The following SH3RF1 variants were observed in gnomAD, a reference collection of about 807,000 sequenced individuals.
The protein encoded by SH3RF1 is E3 ubiquitin-protein ligase SH3RF1.
A neutral mutation model predicts 74.0 loss-of-function variants in SH3RF1; 32 were observed. That is an observed-to-expected ratio of 0.43 (90% CI 0.33 to 0.58). The LOEUF (loss-of-function observed/expected upper bound fraction) is 0.58. Ranked by LOEUF, SH3RF1 falls within the 20% of genes least tolerant of loss-of-function variation. The probability of loss-of-function intolerance (pLI) is 0.05; values close to 1 mark genes in which losing one functional copy is unlikely to be tolerated. For missense variants in SH3RF1, 954 were observed against 1,130.9 expected (o/e 0.84, Z 2.24); for synonymous variants, 396 against 439.6 (o/e 0.90, Z 1.24).
At chr4:169,109,811 A>ACCATGCCACTGCACT in intron 10 of SH3RF1, among the ~76,000 whole-genome samples, 1 of 149,910 alleles carries the variant, frequency 6.7e-6, no homozygotes, top group Admixed American at 6.6e-5. Context: ...GGAGTTCAAG[A>ACCATGCCACTGCACT]CCAGCCTGGG....
chr4:169,261,385 A>G (rs926360556), intron 2 of SH3RF1, among the ~76,000 whole-genome samples: 3 of 152,230 alleles, frequency 2.0e-5, no homozygotes, highest in Non-Finnish European at 4.4e-5. Context: ...GCAACTGAGA[A>G]AAGATTCCCC....
At chr4:169,224,719 G>C (rs1293837554) in intron 2 of SH3RF1, among the ~76,000 whole-genome samples, 3 of 152,244 alleles carry the variant, frequency 2.0e-5, no homozygotes, top group African/African-American at 7.2e-5. Flanking sequence ...GACTACTGCA[G>C]TAATGCAGGA....
At chr4:169,190,436 A>G (rs1450733188) in intron 2 of SH3RF1, among the ~76,000 whole-genome samples, 2 of 152,190 alleles carry the variant, frequency 1.3e-5, no homozygotes, top group Non-Finnish European at 1.5e-5. Flanking sequence ...CGAGGTTACT[A>G]TGAACACCTT....
At chr4:169,201,393 A>T (rs1360420544) in intron 2 of SH3RF1, among the ~76,000 whole-genome samples, 3 of 152,224 alleles carry the variant, frequency 2.0e-5, no homozygotes, top group Admixed American at 6.5e-5. Flanking sequence ...TCTGTAAAAA[A>T]CAATATTTGC....
At chr4:169,192,741 C>G (rs1294894233) in intron 2 of SH3RF1, among the ~76,000 whole-genome samples, 2 of 150,752 alleles carry the variant, frequency 1.3e-5, no homozygotes, top group African/African-American at 4.9e-5. Context: ...ACCCAAATAG[C>G]CATCAACAAA....
At chr4:169,253,399 GA>G (rs1246008234) in intron 2 of SH3RF1, among the ~76,000 whole-genome samples, 60 of 152,312 alleles carry the variant, frequency 3.9e-4, no homozygotes, top group African/African-American at 1.4e-3. Flanking sequence ...CAATCACAGA[GA>G]ATCCAGCCTT....
chr4:169,232,909 C>CT (rs1209972426), intron 2 of SH3RF1, among the ~76,000 whole-genome samples: 1 of 152,110 alleles, frequency 6.6e-6, no homozygotes, highest in Non-Finnish European at 1.5e-5. Context: ...GTAGTGTGAA[C>CT]TGCCTGGTTG....
At chr4:169,182,822 T>C (rs1434276281) in intron 2 of SH3RF1, among the ~76,000 whole-genome samples, 1 of 151,760 alleles carries the variant, frequency 6.6e-6, no homozygotes, top group East Asian at 1.9e-4. Context: ...ACAAAATAGA[T>C]AAGTTAGTAG....
At chr4:169,251,356 TAGTC>T (rs1257943025) in intron 2 of SH3RF1, among the ~76,000 whole-genome samples, 4 of 152,228 alleles carry the variant, frequency 2.6e-5, no homozygotes, top group Admixed American at 6.5e-5. Context: ...GTGACTTTGT[TAGTC>T]AGAATAACTG....
At chr4:169,125,440 G>C (rs1378158388) in intron 6 of SH3RF1, among the ~76,000 whole-genome samples, 2 of 152,092 alleles carry the variant, frequency 1.3e-5, no homozygotes, top group Non-Finnish European at 2.9e-5. Context: ...ACCCGCCCAG[G>C]TAGTGATTGG....
At chr4:169,157,577 T>C (rs2126965783) in intron 2 of SH3RF1, among the ~76,000 whole-genome samples, 1 of 152,298 alleles carries the variant, frequency 6.6e-6, no homozygotes, top group East Asian at 1.9e-4. Context: ...CACTTTAAGA[T>C]CTTTGGCCTC....
chr4:169,187,475 A>AT (rs1318792931), intron 2 of SH3RF1, among the ~76,000 whole-genome samples: 2 of 151,782 alleles, frequency 1.3e-5, no homozygotes, highest in Non-Finnish European at 2.9e-5. Flanking sequence ...GGCATGAGCC[A>AT]TCACACCCAG....
intron 6 of SH3RF1, among the ~76,000 whole-genome samples, chr4:169,127,097 C>G (rs1365519063): frequency 1.3e-5 from 2 of 152,176 alleles, no homozygotes; most frequent in Non-Finnish European, 2.9e-5. Context: ...TCCTCCCCTA[C>G]AAAGAGATTT....
At chr4:169,241,380 C>A (rs186957919) in intron 2 of SH3RF1, among the ~76,000 whole-genome samples, 3 of 152,328 alleles carry the variant, frequency 2.0e-5, no homozygotes, top group Non-Finnish European at 1.5e-5. Flanking sequence ...AGCAAACTCA[C>A]CCTTCAGCCG....
chr4:169,199,941 C>T (rs951672351), intron 2 of SH3RF1, among the ~76,000 whole-genome samples: 4 of 151,830 alleles, frequency 2.6e-5, no homozygotes, highest in Non-Finnish European at 4.4e-5. Flanking sequence ...ATAAGAGGCA[C>T]ACCTAAAACA....
chr4:169,133,416 A>C (rs997745633), intron 5 of SH3RF1, among the ~76,000 whole-genome samples: 3 of 151,654 alleles, frequency 2.0e-5, no homozygotes, highest in African/African-American at 7.3e-5. Flanking sequence ...CGAAGGTTGC[A>C]GTGAGCCAAG....
At chr4:169,116,796 G>A (rs1733341660) in intron 9 of SH3RF1, among the ~76,000 whole-genome samples, 166 bp from the exon 10 acceptor site, 1 of 152,124 alleles carries the variant, frequency 6.6e-6, no homozygotes, top group African/African-American at 2.4e-5. Flanking sequence ...AATCTTAGCT[G>A]GATCCCCAGA....
intron 2 of SH3RF1, among the ~76,000 whole-genome samples, chr4:169,225,648 A>G (rs1357795018): frequency 6.6e-6 from 1 of 152,208 alleles, no homozygotes; most frequent in Non-Finnish European, 1.5e-5. Flanking sequence ...AAAGGAAGTG[A>G]GTCAGTCTGA....
intron 11 of SH3RF1, among the ~76,000 whole-genome samples, chr4:169,103,278 G>C (rs994502086): frequency 6.6e-6 from 1 of 151,828 alleles, no homozygotes; most frequent in Non-Finnish European, 1.5e-5. Context: ...CATGGTTTGA[G>C]AGGAAATTTT....
Sources: allele counts gnomAD v4.1 joint callset (sites outside exome capture counted in the v4.1 genomes callset), GRCh38; gene constraint gnomAD v4.1.1; transcripts MANE v1.5; gene names NCBI Gene and HGNC (gene_info 2026-07-23, HGNC 2026-07-21).